The following TMEM179 variants were observed in gnomAD, a reference collection of about 807,000 sequenced individuals.
The protein encoded by TMEM179 is transmembrane protein 179A.
A neutral mutation model predicts 22.2 loss-of-function variants in TMEM179; 17 were observed. That is an observed-to-expected ratio of 0.77 (90% CI 0.52 to 1.15). The LOEUF is 1.15. Among genes scored for constraint, TMEM179 ranks in the 50% most tolerant of loss-of-function variants. TMEM179 has a pLI of 0.00. For synonymous variants in TMEM179, 127 were observed against 140.5 expected, an observed-to-expected ratio of 0.90 and a Z score of 0.68; for missense variants, 265 against 313.6, an observed-to-expected ratio of 0.84 and a Z score of 1.17.
In TMEM179 at chr14:104,602,181, G is replaced by A. The variant is rs563240630; in HGVS notation, c.305+2256C>T. On this transcript the variant is annotated intron_variant, in intron 1 of 3. Coordinates refer to ENST00000556573, the MANE Select transcript of TMEM179 (RefSeq NM_001286389.2). ...CTGTTACGGCATCCCTGGGCCTGCCGCCCAGTGTGTGCGAAATAGACCATA... is the reference window on the plus strand; with the variant it reads ...CTGTTACGGCATCCCTGGGCCTGCCACCCAGTGTGTGCGAAATAGACCATA... Among the ~76,000 whole-genome samples the A allele has an allele frequency of 4.6e-5, 7 of 152,320 alleles. No individual in the cohort carries two copies. In the East Asian group the frequency reaches 1.2e-3, roughly 25 times the overall value.
Position 104,593,153 on chromosome 14 carries a change from C to T in TMEM179, c.*326G>A, listed in dbSNP as rs562104074. On this transcript the variant is annotated 3_prime_UTR_variant, in exon 4 of 4. Transcript: ENST00000556573. ...CCAGGGTTGGGGGAGACAAGCTGGA[C>T]GCCCTCCACATAGGCTGGCCAGTCA... 2.5e-5 allele frequency: 10 copies of T among 405,848 alleles called. No homozygotes were observed. The South Asian group carries it at 2.7e-4, about 11-fold the overall frequency. 25.1% of individuals were successfully genotyped at this position (405,848 alleles called of 1,614,324 possible).
chr14:104,595,175 G>A lies in TMEM179; in HGVS notation c.512C>T (p.Ala171Val), dbSNP rs761959472. Residue 171 changes from alanine (A) to valine (V), a missense_variant, in exon 3 of 4, where the codon GCA (alanine) becomes GTA (valine). Coordinates refer to ENST00000556573, the MANE Select transcript of TMEM179 (RefSeq NM_001286389.2). This position sits in a 1 kb window ranked among gnomAD's most constrained non-coding sequence, Gnocchi z 5.7. The stretch of plus-strand genomic sequence containing the variant: ...CCCAGAGCCCCCTACCTGGGCAATT[G>A]CAAACTGATCGTAGAAGGCGGAGTT... ...VDNSAFYDQF[A>V]IAQFGLWASW... 15 of 1,613,776 alleles carry A rather than the reference G, an allele frequency of 9.3e-6. No individual in the cohort carries two copies. Among genetic ancestry groups the A allele is most frequent in the Admixed American group, 5.0e-5 (3 of 59,998 alleles).
chr14:104,598,014 G>A (rs527793002), intron 1 of TMEM179, among the ~76,000 whole-genome samples: 3 of 152,342 alleles, frequency 2.0e-5, no homozygotes, highest in East Asian at 1.9e-4. Context: ...CTGCCAGGGC[G>A]CACACGGCCA....
rs1255220883 is a variant in TMEM179 at position 104,593,735 on chromosome 14, G to GGCTCT, written c.523-82_523-78dup. 1.1e-5 allele frequency: 16 copies of GGCTCT among 1,408,474 alleles called. 1 individual carries two copies. The East Asian group carries it at 4.1e-4, about 36-fold the overall frequency. 87.2% of individuals were successfully genotyped at this position (1,408,474 alleles called of 1,614,324 possible). ...TGCAACCCCCTCCCACCAGCCCCCA[G>GGCTCT]GCTCTGCTCTGCAGGGAAAGGACAG... On this transcript the variant is annotated intron_variant, in intron 3 of 3. Transcript: ENST00000556573.
chr14:104,596,630 C>T (rs1887031939), intron 2 of TMEM179, among the ~76,000 whole-genome samples: 1 of 152,174 alleles, frequency 6.6e-6, no homozygotes. Context: ...ACCGAGCCTC[C>T]CAGGACCCGG....
Position 104,597,521 on chromosome 14 carries a change from A to C in TMEM179, c.306-394T>G, listed in dbSNP as rs1887076447. ...GGCCCAGGTGCTTGTGTCCCCCCAA[A>C]TCCATATGTTCCAGTCCACTGAGGG... On this transcript the variant is annotated intron_variant, in intron 1 of 3. Transcript: ENST00000556573. This position sits in a 1 kb window ranked among gnomAD's most constrained non-coding sequence, Gnocchi z 4.8. 1.3e-5 allele frequency among the ~76,000 whole-genome samples: 2 copies of C among 151,808 alleles called. No homozygotes were observed. The highest frequency in any genetic ancestry group is 2.1e-4 in the South Asian group (1 of 4,806).
chr14:104,594,936 A>C, intron 3 of TMEM179: 2 of 1,374,642 alleles, frequency 1.5e-6, no homozygotes, highest in Non-Finnish European at 1.9e-6. Context: ...CCTGATTCTA[A>C]CTCACTGTGG....
Position 104,591,787 on chromosome 14 carries a change from T to G in TMEM179, c.*1692A>C. The G allele has an allele frequency of 4.9e-6, 1 of 204,920 alleles. No homozygotes were observed. The highest frequency in any genetic ancestry group is 6.8e-5 in the South Asian group (1 of 14,634). The allele number at this position is 204,920 out of a possible 1,614,324, so 12.7% of individuals were successfully genotyped here. ...GAACTCAGGGAGCCAGGGGCTCGCC[T>G]CTCCCCGGGAAGGTGGGCGCAGCAG... On this transcript the variant is annotated 3_prime_UTR_variant, in exon 4 of 4. Transcript: ENST00000556573.
Position 104,596,996 on chromosome 14 carries a change from G to A in TMEM179, c.437C>T (p.Pro146Leu), listed in dbSNP as rs1472189811. ...CDTITEKGTV[P>L]HSCEELQDID... ...GCGGGTGGGGCGGGCGCACCTGTGG[G>A]GTACGGTGCCCTTCTCGGTGATGGT... Residue 146 changes from proline to leucine, a missense_variant, in exon 2 of 4, where the codon CCC (proline) becomes CTC (leucine). Coordinates refer to ENST00000556573, the MANE Select transcript of TMEM179 (RefSeq NM_001286389.2). 1.2e-6 allele frequency: 2 copies of A among 1,604,838 alleles called. No individual in the cohort carries two copies. Among genetic ancestry groups the A allele is most frequent in the African/African-American group, 1.3e-5 (1 of 74,796 alleles).
At chr14:104,593,975 G>A (rs1886929134) in intron 3 of TMEM179, 1 of 1,099,392 alleles carries the variant, frequency 9.1e-7, no homozygotes, top group South Asian at 4.6e-5. Context: ...GTGGCCAGTG[G>A]CGAGTGCTTT....
rs578210194 is a variant in TMEM179 at position 104,594,075 on chromosome 14, C to T, written c.523-417G>A. On this transcript the variant is annotated intron_variant, in intron 3 of 3. Coordinates refer to ENST00000556573, the MANE Select transcript of TMEM179 (RefSeq NM_001286389.2). ...CCACCGGAATAAATTGACCTTTAGC[C>T]GCTGTTTCCAAACAGTTGAAGGAGA... The T allele has an allele frequency of 8.1e-6, 10 of 1,233,072 alleles. No homozygotes were observed. In the East Asian group the frequency reaches 1.6e-4, roughly 19 times the overall value. 76.4% of individuals were successfully genotyped at this position (1,233,072 alleles called of 1,614,324 possible).
intron 1 of TMEM179, among the ~76,000 whole-genome samples, chr14:104,599,299 C>T (rs78954487): frequency 0.026 from 2,743 of 106,512 alleles, 68 homozygotes; most frequent in African/African-American, 0.091. Flanking sequence ...CTCTGGCTTC[C>T]GGCTGGGTTT....
chr14:104,595,192 G>A lies in TMEM179; in HGVS notation c.495C>T (p.Ala165=), dbSNP rs375836392. 6.2e-6 allele frequency: 10 copies of A among 1,613,630 alleles called. No individual in the cohort carries two copies. Among genetic ancestry groups the A allele is most frequent in the Non-Finnish European group, 8.5e-6 (10 of 1,179,988 alleles). ...GGGCAATTGCAAACTGATCGTAGAA[G>A]GCGGAGTTGTCCACGCCCAGCTCCA... is the stretch of plus-strand genomic sequence containing the variant. ...IDLELGVDNS[A]FYDQFAIAQF... The change falls in exon 3 of 4, where the codon GCC becomes GCT. Residue 165 remains alanine, a synonymous_variant. Coordinates refer to ENST00000556573, the MANE Select transcript of TMEM179 (RefSeq NM_001286389.2). The surrounding 1 kb of genome is among the most constrained non-coding windows in gnomAD (Gnocchi z 5.7).
Position 104,604,487 on chromosome 14 carries a change from G to T in TMEM179, c.255C>A (p.Ala85=). ...LLASLLSLLL[A]AAHAWRTLFF... is the part of the protein sequence containing the mutation. ...AGAGCGTGCGCCAGGCGTGCGCGGC[G>T]GCCAGCAGCAGAGACAGGAGGCTGG... Residue 85 remains alanine (A), a synonymous_variant, in exon 1 of 4, where the codon GCC becomes GCA. Transcript: ENST00000556573. The surrounding 1 kb of genome is among the most constrained non-coding windows in gnomAD (Gnocchi z 4.6). The T allele has an allele frequency of 6.3e-7, 1 of 1,581,050 alleles. No individual in the cohort carries two copies. Among genetic ancestry groups the T allele is most frequent in the Non-Finnish European group, 8.6e-7 (1 of 1,166,470 alleles).
Position 104,593,342 on chromosome 14 carries a change from C to T in TMEM179, c.*137G>A, listed in dbSNP as rs1195694374. 10 of 1,079,976 alleles carry T rather than the reference C, an allele frequency of 9.3e-6. No individual in the cohort carries two copies. Among genetic ancestry groups the T allele is most frequent in the Admixed American group, 2.3e-5 (1 of 44,310 alleles). The allele number at this position is 1,079,976 out of a possible 1,614,324, so 66.9% of individuals were successfully genotyped here. ...GCACTGGGGCGCTCACCTCACTACACGTGGCGTCGAGGGGACACACGCAGG... is the reference window on the plus strand; with the variant it reads ...GCACTGGGGCGCTCACCTCACTACATGTGGCGTCGAGGGGACACACGCAGG... On this transcript the variant is annotated 3_prime_UTR_variant, in exon 4 of 4. Transcript: ENST00000556573.
chr14:104,596,557 C>T (rs1369463822), intron 2 of TMEM179, among the ~76,000 whole-genome samples: 1 of 152,192 alleles, frequency 6.6e-6, no homozygotes, highest in African/African-American at 2.4e-5. Flanking sequence ...CCTAATGCTC[C>T]CTGGGCTCTC....
intron 1 of TMEM179, among the ~76,000 whole-genome samples, chr14:104,600,047 C>T (rs940475105): frequency 6.6e-6 from 1 of 152,168 alleles, no homozygotes; most frequent in East Asian, 1.9e-4. Context: ...CGAGGAGTTC[C>T]CCATGAGATA....
At position 104,597,716 on chromosome 14, in the gene TMEM179, G is replaced by A. The variant is rs7144812; in HGVS notation, c.306-589C>T. ...TCGAACCTGGATCCCAGCCTGGATC[G>A]CAGACCTCTAGCCTCCGGAAGTGTG... On this transcript the variant is annotated intron_variant, in intron 1 of 3. Transcript: ENST00000556573. This position sits in a 1 kb window ranked among gnomAD's most constrained non-coding sequence, Gnocchi z 4.8. Among the ~76,000 whole-genome samples the A allele has an allele frequency of 1.3e-5, 2 of 152,026 alleles. No individual in the cohort carries two copies. Among genetic ancestry groups the A allele is most frequent in the East Asian group, 1.9e-4 (1 of 5,186 alleles).
At position 104,604,164 on chromosome 14, in the gene TMEM179, C is replaced by A. The variant is rs1164738436; in HGVS notation, c.305+273G>T. 2.0e-5 allele frequency among the ~76,000 whole-genome samples: 3 copies of A among 152,216 alleles called. No individual in the cohort carries two copies. The highest frequency in any genetic ancestry group is 7.2e-5 in the African/African-American group (3 of 41,456). On this transcript the variant is annotated intron_variant, in intron 1 of 3. Transcript: ENST00000556573. The surrounding 1 kb of genome is among the most constrained non-coding windows in gnomAD (Gnocchi z 4.6). ...GGTGATGACAGTGCAACATCTGCAA[C>A]CCAAGGGAGCAGATGCCCGGAAGCG...
Sources: allele counts gnomAD v4.1 joint callset (sites outside exome capture counted in the v4.1 genomes callset), GRCh38; gene constraint gnomAD v4.1.1; non-coding constraint Gnocchi (gnomAD v3.1); transcripts MANE v1.5; gene names NCBI Gene and HGNC (gene_info 2026-07-23, HGNC 2026-07-21).